INCA1: variants seen among roughly 807,000 people sequenced by gnomAD.
The protein encoded by INCA1 is protein INCA1.
A neutral mutation model predicts 25.7 loss-of-function variants in INCA1; 28 were observed. The ratio of observed to expected loss-of-function variants is 1.09; its 90% CI spans 0.81 to 1.49. The LOEUF (loss-of-function observed/expected upper bound fraction) is 1.49. INCA1 is among the 40% of genes most tolerant of loss of function. The probability of loss-of-function intolerance (pLI) is 0.00; values close to 1 mark genes in which losing one functional copy is unlikely to be tolerated. For missense variants in INCA1, 309 were observed against 290.9 expected (o/e 1.06, Z -0.45); for synonymous variants, 111 against 103.6 (o/e 1.07, Z -0.43).
At chr17:4,995,284 A>T (rs1419132820) in intron 1 of INCA1, among the ~76,000 whole-genome samples, 1 of 152,212 alleles carries the variant, frequency 6.6e-6, no homozygotes, top group Non-Finnish European at 1.5e-5. Flanking sequence ...GGAAAAGTGG[A>T]TGTGGTAAAA....
At chr17:4,991,853 T>C (rs1973895691) in intron 2 of INCA1, among the ~76,000 whole-genome samples, 1 of 152,150 alleles carries the variant, frequency 6.6e-6, no homozygotes, top group South Asian at 2.1e-4. Context: ...CAGTTTTACA[T>C]CTAAAATACT....
chr17:4,990,832 G>A (rs1401103140), intron 2 of INCA1, among the ~76,000 whole-genome samples: 2 of 149,810 alleles, frequency 1.3e-5, no homozygotes, highest in Non-Finnish European at 3.0e-5. Context: ...GCAGTGAGTC[G>A]AAATCGCGCC....
chr17:4,988,375 C>A, exon 7 of INCA1: 1 of 1,575,460 alleles, frequency 6.3e-7, no homozygotes. Context: ...CCTGGGGCAC[C>A]ACTAGCCTCT....
chr17:4,993,051 TG>T (rs1439494978), intron 2 of INCA1, among the ~76,000 whole-genome samples: 1 of 146,336 alleles, frequency 6.8e-6, no homozygotes, highest in Non-Finnish European at 1.5e-5. Context: ...GGCTAATTTT[TG>T]TATTTTTAGT....
At chr17:4,996,707 T>TAGGAGAG (rs1310315846) in intron 1 of INCA1, 1 of 137,042 alleles carries the variant, frequency 7.3e-6, no homozygotes, top group Non-Finnish European at 1.5e-5. Context: ...CTAGATAAGT[T>TAGGAGAG]AGGAGAGAGT....
chr17:4,991,143 C>T (rs1382767686), intron 2 of INCA1, among the ~76,000 whole-genome samples: 2 of 151,876 alleles, frequency 1.3e-5, no homozygotes, highest in Non-Finnish European at 2.9e-5. Flanking sequence ...GTCTTGAACT[C>T]CTGACCTCAG....
At chr17:4,988,152 ACAGAG>A (rs1567704633), downstream of INCA1, 1 of 384,750 alleles carries the variant, frequency 2.6e-6, no homozygotes, top group African/African-American at 2.1e-5. Context: ...CTTTTTAATA[ACAGAG>A]CAGAGAGAAT....
intron 2 of INCA1, 57 bp from the exon 3 acceptor site, chr17:4,990,322 A>T: frequency 6.5e-7 from 1 of 1,547,044 alleles, no homozygotes; most frequent in Non-Finnish European, 8.7e-7. Context: ...CAGTCTACTC[A>T]TCCCAAGGAT....
chr17:4,988,656 CCTA>C, intron 6 of INCA1, 102 bp from the exon 7 acceptor site: 1 of 1,569,148 alleles, frequency 6.4e-7, no homozygotes, highest in African/African-American at 1.4e-5. Context: ...CTGGTTCTCA[CCTA>C]CGTTATTTTT....
chr17:4,993,563 G>A (rs1323981149), intron 2 of INCA1, among the ~76,000 whole-genome samples: 1 of 150,742 alleles, frequency 6.6e-6, no homozygotes, highest in South Asian at 2.1e-4. Flanking sequence ...CCGCCTCCTG[G>A]GTTCACGCCA....
chr17:4,991,508 C>A (rs1973873749), intron 2 of INCA1, among the ~76,000 whole-genome samples: 1 of 152,176 alleles, frequency 6.6e-6, no homozygotes, highest in Non-Finnish European at 1.5e-5. Context: ...TGTTTGAGAA[C>A]ACTGCTCGTC....
At chr17:4,993,916 C>T (rs749085481) in intron 2 of INCA1, among the ~76,000 whole-genome samples, 2 of 151,674 alleles carry the variant, frequency 1.3e-5, no homozygotes, top group Admixed American at 6.6e-5. Context: ...GGATTACAGG[C>T]GAGCACCACC....
intron 1 of INCA1, chr17:4,996,034 G>A (rs1436117180): frequency 3.3e-5 from 5 of 152,172 alleles, no homozygotes; most frequent in African/African-American, 7.2e-5. Flanking sequence ...GGATAGGGAG[G>A]TCAGTTGCAT....
chr17:4,993,614 G>A (rs1192100051), intron 2 of INCA1, among the ~76,000 whole-genome samples: 3 of 150,642 alleles, frequency 2.0e-5, no homozygotes, highest in South Asian at 2.1e-4. Context: ...GACTACAGGC[G>A]CCCGCCACCA....
At chr17:4,988,723 C>T in intron 6 of INCA1, 56 bp downstream of exon 6, 3 of 1,603,716 alleles carry the variant, frequency 1.9e-6, no homozygotes, top group Non-Finnish European at 2.6e-6. Flanking sequence ...CATCTCCATG[C>T]AAGACCAGAG....
chr17:4,993,917 G>A (rs895805462), intron 2 of INCA1, among the ~76,000 whole-genome samples: 3 of 151,816 alleles, frequency 2.0e-5, no homozygotes, highest in African/African-American at 7.3e-5. Context: ...GATTACAGGC[G>A]AGCACCACCA....
chr17:4,994,037 G>T (rs1186414408), intron 2 of INCA1, among the ~76,000 whole-genome samples: 1 of 152,104 alleles, frequency 6.6e-6, no homozygotes, highest in Admixed American at 6.5e-5. Flanking sequence ...CTCCCAAAGT[G>T]CTGGGATTAC....
intron 2 of INCA1, among the ~76,000 whole-genome samples, chr17:4,990,837 C>A (rs551388996): frequency 8.8e-4 from 132 of 149,466 alleles, no homozygotes; most frequent in African/African-American, 3.1e-3. Flanking sequence ...GAGTCGAAAT[C>A]GCGCCATTGC....
At chr17:4,993,597 T>C (rs1348007436) in intron 2 of INCA1, among the ~76,000 whole-genome samples, 2 of 151,320 alleles carry the variant, frequency 1.3e-5, no homozygotes, top group African/African-American at 4.9e-5. Context: ...GCCTCCCGAG[T>C]AGCTGGGACT....
Sources: gnomAD v4.1 joint callset for allele counts (sites outside exome capture counted in the v4.1 genomes callset) on GRCh38, gnomAD v4.1.1 for gene constraint, MANE v1.5 for transcripts, NCBI Gene and HGNC (gene_info 2026-07-23, HGNC 2026-07-21) for gene names.